OPCML: variants seen among roughly 807,000 people sequenced by gnomAD.
OPCML encodes opioid-binding protein/cell adhesion molecule.
A neutral mutation model predicts 37.8 loss-of-function variants in OPCML; 13 were observed. The ratio of observed to expected loss-of-function variants is 0.34; its 90% CI spans 0.22 to 0.55. The LOEUF is 0.55. Ranked by LOEUF, OPCML falls within the 20% of genes least tolerant of loss-of-function variation. OPCML has a pLI of 0.91. For missense variants in OPCML, 341 were observed against 435.6 expected (o/e 0.78, Z 1.93); for synonymous variants, 176 against 168.8 (o/e 1.04, Z -0.33).
At chr11:132,837,182 T>TA (rs1223234320) in intron 2 of OPCML, among the ~76,000 whole-genome samples, 1 of 151,884 alleles carries the variant, frequency 6.6e-6, no homozygotes, top group Admixed American at 6.6e-5. Context: ...GGAGTGGTGG[T>TA]GCATGCCTGT....
At chr11:132,761,307 T>C (rs568587553) in intron 2 of OPCML, among the ~76,000 whole-genome samples, 1 of 149,842 alleles carries the variant, frequency 6.7e-6, no homozygotes, top group South Asian at 2.1e-4. Flanking sequence ...CCTCAAGGAG[T>C]ATCTTTGTGG....
intron 3 of OPCML, among the ~76,000 whole-genome samples, chr11:132,541,779 C>T (rs1314742873): frequency 6.6e-6 from 1 of 152,184 alleles, no homozygotes; most frequent in Non-Finnish European, 1.5e-5. Flanking sequence ...GTTTCAGCTA[C>T]AGCCAGCCCA....
At chr11:132,881,999 T>C (rs1207170257) in intron 2 of OPCML, among the ~76,000 whole-genome samples, 1 of 152,220 alleles carries the variant, frequency 6.6e-6, no homozygotes, top group Non-Finnish European at 1.5e-5. Context: ...TCTAGCCCTG[T>C]GGTTAGGGGC....
intron 1 of OPCML, among the ~76,000 whole-genome samples, chr11:133,479,694 C>G (rs1947332713): frequency 6.6e-6 from 1 of 152,186 alleles, no homozygotes; most frequent in South Asian, 2.1e-4. Context: ...CCCATTTGGG[C>G]CCCACCCAAG....
At chr11:133,397,236 C>A (rs532637525) in intron 1 of OPCML, among the ~76,000 whole-genome samples, 1 of 152,314 alleles carries the variant, frequency 6.6e-6, no homozygotes, top group South Asian at 2.1e-4. Context: ...TGGTCTATGT[C>A]TCTTCCTTTT....
intron 2 of OPCML, among the ~76,000 whole-genome samples, chr11:132,746,305 T>C (rs1326451791): frequency 6.6e-6 from 1 of 152,086 alleles, no homozygotes; most frequent in East Asian, 1.9e-4. Context: ...TGTTTGTTTG[T>C]TTGTTGTTTG....
Position 133,532,454 on chromosome 11 carries a change from AAGAGAGAGAG to A in OPCML, c.-140_-131del. ...GTTTGCAAAGGGAGGGAGAGAGCAG[AAGAGAGAGAG>A]AGCGCGCGAGAGATGGGAGCAGGCA... On this transcript the variant is annotated 5_prime_UTR_variant, in exon 1 of 8. Coordinates refer to ENST00000524381, the MANE Select transcript of OPCML (RefSeq NM_001012393.5). 1.8e-6 allele frequency: 2 copies of A among 1,139,992 alleles called. No homozygotes were observed. Among genetic ancestry groups the A allele is most frequent in the Non-Finnish European group, 2.5e-6 (2 of 784,360 alleles). 70.6% of individuals were successfully genotyped at this position (1,139,992 alleles called of 1,614,324 possible).
intron 1 of OPCML, among the ~76,000 whole-genome samples, chr11:133,522,549 A>G (rs1948415560): frequency 1.3e-5 from 2 of 152,168 alleles, no homozygotes; most frequent in South Asian, 2.1e-4. Context: ...TTGTTCCACA[A>G]TGTTCTTTGT....
At chr11:133,305,810 C>G (rs565181560) in intron 1 of OPCML, among the ~76,000 whole-genome samples, 5 of 152,166 alleles carry the variant, frequency 3.3e-5, no homozygotes, top group Non-Finnish European at 1.5e-5. Context: ...TAGAATTACA[C>G]AAGTGGGAGC....
At chr11:133,323,421 G>C (rs1260326731) in intron 1 of OPCML, among the ~76,000 whole-genome samples, 1 of 152,182 alleles carries the variant, frequency 6.6e-6, no homozygotes, top group Non-Finnish European at 1.5e-5. Flanking sequence ...AATATGGTTA[G>C]AACTGAAGAG....
chr11:132,836,264 C>A (rs1940994063), intron 2 of OPCML, among the ~76,000 whole-genome samples: 1 of 152,070 alleles, frequency 6.6e-6, no homozygotes, highest in South Asian at 2.1e-4. Context: ...AAGAAAAATG[C>A]TGAACAGAAT....
intron 1 of OPCML, among the ~76,000 whole-genome samples, chr11:133,141,918 C>T (rs1168210477): frequency 1.3e-5 from 2 of 152,218 alleles, no homozygotes; most frequent in Non-Finnish European, 2.9e-5. Context: ...CTTTCATTCT[C>T]ATTACCTCCA....
chr11:133,147,936 C>T lies in OPCML; in HGVS notation c.62-204926G>A, dbSNP rs151070625. Among the ~76,000 whole-genome samples the T allele has an allele frequency of 2.6e-5, 4 of 152,166 alleles. No homozygotes were observed. In the East Asian group the frequency reaches 7.7e-4, roughly 29 times the overall value. On this transcript the variant is annotated intron_variant, in intron 1 of 7. Transcript: ENST00000524381. Reference sequence around the variant, plus strand: ...TGCCCGTCCTGCAGTTGTTACTCAGCGAACGCTTTCTTCCTCCTGCCCATC... The same window carrying T: ...TGCCCGTCCTGCAGTTGTTACTCAGTGAACGCTTTCTTCCTCCTGCCCATC...
Position 132,450,332 on chromosome 11 carries a change from G to T in OPCML, c.506-12973C>A, listed in dbSNP as rs187118925. On this transcript the variant is annotated intron_variant, in intron 4 of 7. Transcript: ENST00000524381. ...GTGAGGGAGAAAGACAAAGAGGAAC[G>T]CAAGGTGACTAGGGCTCCAACAGAG... Among the ~76,000 whole-genome samples the T allele has an allele frequency of 3.9e-5, 6 of 152,332 alleles. No individual in the cohort carries two copies. In the East Asian group the frequency reaches 1.2e-3, roughly 29 times the overall value.
At chr11:133,511,799 C>T (rs1948166163) in intron 1 of OPCML, among the ~76,000 whole-genome samples, 1 of 151,818 alleles carries the variant, frequency 6.6e-6, no homozygotes, top group African/African-American at 2.4e-5. Context: ...AGATTTTCTC[C>T]ACTAGTATGT....
chr11:132,781,468 G>A (rs574897316), intron 2 of OPCML, among the ~76,000 whole-genome samples: 2 of 152,066 alleles, frequency 1.3e-5, no homozygotes, highest in African/African-American at 4.8e-5. Flanking sequence ...TCTAAACCAT[G>A]GGCTCTTCGG....
intron 1 of OPCML, among the ~76,000 whole-genome samples, chr11:133,061,733 T>G (rs945486776): frequency 6.6e-6 from 1 of 152,172 alleles, no homozygotes; most frequent in Non-Finnish European, 1.5e-5. Flanking sequence ...AAGGGAGAAG[T>G]TCTCCATAAT....
At chr11:133,316,547 G>A (rs1023895060) in intron 1 of OPCML, among the ~76,000 whole-genome samples, 10 of 152,110 alleles carry the variant, frequency 6.6e-5, no homozygotes, top group Non-Finnish European at 1.5e-4. Flanking sequence ...GGGTTGATGG[G>A]TGCAGCAAAC....
intron 3 of OPCML, among the ~76,000 whole-genome samples, chr11:132,590,517 C>T (rs1463351016): frequency 6.6e-6 from 1 of 152,118 alleles, no homozygotes; most frequent in African/African-American, 2.4e-5. Context: ...GTTTATAAGG[C>T]CATGTTATGA....
Sources: allele counts gnomAD v4.1 joint callset (sites outside exome capture counted in the v4.1 genomes callset), GRCh38; gene constraint gnomAD v4.1.1; transcripts MANE v1.5; gene names NCBI Gene and HGNC (gene_info 2026-07-23, HGNC 2026-07-21).